S100A7A: variants seen among roughly 807,000 people sequenced by gnomAD.
S100A7A encodes the protein protein S100-A7A.
S100A7A carries 5 observed loss-of-function variants against 4.0 expected under a neutral mutation model. The observed-to-expected ratio is 1.26, with a 90% CI of 0.66 to 2.66. The LOEUF is 2.66. Among genes scored for constraint, S100A7A ranks in the 30% most tolerant of loss-of-function variants. S100A7A has a pLI of 0.01. For missense variants in S100A7A, 159 were observed against 125.1 expected (o/e 1.27, Z -1.29); for synonymous variants, 52 against 46.4 (o/e 1.12, Z -0.49).
chr1:153,418,776 C>CA (rs1179592410), intron 2 of S100A7A, among the ~76,000 whole-genome samples: 2 of 152,124 alleles, frequency 1.3e-5, no homozygotes, highest in East Asian at 3.8e-4. Flanking sequence ...AAGAAGAGAA[C>CA]AAAGCATGAG....
chr1:153,417,639 C>A (rs1269467213), intron 1 of S100A7A, among the ~76,000 whole-genome samples: 3 of 152,214 alleles, frequency 2.0e-5, no homozygotes, highest in Non-Finnish European at 4.4e-5. Flanking sequence ...CACCAGATCA[C>A]CAAGGCCATT....
chr1:153,417,522 T>A (rs1196035394), intron 1 of S100A7A, among the ~76,000 whole-genome samples: 3 of 152,162 alleles, frequency 2.0e-5, no homozygotes, highest in Admixed American at 1.3e-4. Flanking sequence ...ATGTCCACGC[T>A]CACATGTGCA....
At chr1:153,418,306 C>G (rs1389869568) in intron 2 of S100A7A, 83 bp downstream of exon 2, 10 of 1,548,976 alleles carry the variant, frequency 6.5e-6, no homozygotes, top group Non-Finnish European at 8.8e-7. Context: ...TTGGACAGGT[C>G]ACCCTCATCC....
At position 153,416,574 on chromosome 1, in the gene S100A7A, C is replaced by A. The variant is rs1376766548; in HGVS notation, c.-18+11C>A. On this transcript the variant is annotated intron_variant, in intron 1 of 2. Transcript: ENST00000368729. Reference sequence around the variant, plus strand: ...CACTTCCCAGTTCTGGTAAGTCTCACCTGCCTCTTTGCATTTTCTAGAAGT... The same window carrying A: ...CACTTCCCAGTTCTGGTAAGTCTCAACTGCCTCTTTGCATTTTCTAGAAGT... 4 of 481,258 alleles carry A rather than the reference C, an allele frequency of 8.3e-6. No homozygotes were observed. The highest frequency in any genetic ancestry group is 1.7e-5 in the Non-Finnish European group (4 of 240,574). The allele number at this position is 481,258 out of a possible 1,614,324, so 29.8% of individuals were successfully genotyped here. A position where few individuals can be genotyped will look rare whatever the true frequency, so the allele number is the denominator to read the frequency against.
At chr1:153,419,058 C>T in intron 2 of S100A7A, 87 bp from the exon 3 acceptor site, 1 of 1,412,326 alleles carries the variant, frequency 7.1e-7, no homozygotes, top group African/African-American at 1.4e-5. Context: ...AGGTACTTGT[C>T]TGTATCTCTG....
chr1:153,417,543 G>A (rs373787448), intron 1 of S100A7A, among the ~76,000 whole-genome samples: 35 of 152,320 alleles, frequency 2.3e-4, no homozygotes, highest in African/African-American at 6.7e-4. Context: ...CCTGGAGCCT[G>A]CACGCACTGT....
intron 1 of S100A7A, 46 bp from the exon 2 acceptor site, chr1:153,418,020 C>G (rs1662773895): frequency 6.2e-7 from 1 of 1,605,738 alleles, no homozygotes; most frequent in South Asian, 1.1e-5. Context: ...ACATAGAGAC[C>G]TTAATTCAAA....
chr1:153,422,680 T>C lies in S100A7A; in HGVS notation c.*3371T>C, dbSNP rs959591922. ...GGTGCTGAATTCACTGTGACGTCAC[T>C]CCTGTCTCTCTTTGCTTTCTTCTGA... On this transcript the variant is annotated 3_prime_UTR_variant, in exon 3 of 3. Coordinates refer to ENST00000368729, the MANE Select transcript of S100A7A (RefSeq NM_176823.4). 2 of 173,246 alleles carry C rather than the reference T, an allele frequency of 1.2e-5. No homozygotes were observed. The highest frequency in any genetic ancestry group is 2.3e-5 in the Non-Finnish European group (2 of 87,498). The allele number at this position is 173,246 out of a possible 1,614,324, so 10.7% of individuals were successfully genotyped here. A position where few individuals can be genotyped will look rare whatever the true frequency, so the allele number is the denominator to read the frequency against.
At chr1:153,418,301 C>A (rs1342453707) in intron 2 of S100A7A, 78 bp downstream of exon 2, 1 of 1,576,050 alleles carries the variant, frequency 6.3e-7, no homozygotes, top group East Asian at 2.2e-5. Context: ...TGGCCTTGGA[C>A]AGGTCACCCT....
chr1:153,419,872 T>A lies in S100A7A; in HGVS notation c.*563T>A, dbSNP rs1662851452. The A allele has an allele frequency of 6.5e-6, 1 of 153,820 alleles. No homozygotes were observed. Among genetic ancestry groups the A allele is most frequent in the African/African-American group, 2.4e-5 (1 of 41,486 alleles). 9.5% of individuals were successfully genotyped at this position (153,820 alleles called of 1,614,324 possible). On this transcript the variant is annotated 3_prime_UTR_variant, in exon 3 of 3. Coordinates refer to ENST00000368729, the MANE Select transcript of S100A7A (RefSeq NM_176823.4). The stretch of plus-strand genomic sequence containing the variant: ...GCAGTGCCCTGAGGATGGGCTTCCT[T>A]GTCCTGTGGCCTCTGCTCCAGGGGC...
chr1:153,422,604 C>A lies in S100A7A; in HGVS notation c.*3295C>A, dbSNP rs1662925541. On this transcript the variant is annotated 3_prime_UTR_variant, in exon 3 of 3. Transcript: ENST00000368729. ...AAACATTCCAATAACTTTTTTTTTT[C>A]AGGCGCAGTCTCACTCTGTCGCCCG... is the stretch of plus-strand genomic sequence containing the variant. The A allele has an allele frequency of 2.4e-6, 2 of 836,212 alleles. No homozygotes were observed. Among genetic ancestry groups the A allele is most frequent in the Non-Finnish European group, 2.9e-6 (2 of 695,840 alleles). 51.8% of individuals were successfully genotyped at this position (836,212 alleles called of 1,614,324 possible).
In S100A7A at chr1:153,420,704, C is replaced by T. The variant is rs984438952; in HGVS notation, c.*1395C>T. On this transcript the variant is annotated 3_prime_UTR_variant, in exon 3 of 3. Coordinates refer to ENST00000368729, the MANE Select transcript of S100A7A (RefSeq NM_176823.4). ...TTCACCTCTAAATCCCCATGTCTGACCATTAGTTTTCTTCTCTTTCCTTCT... is the reference window on the plus strand; with the variant it reads ...TTCACCTCTAAATCCCCATGTCTGATCATTAGTTTTCTTCTCTTTCCTTCT... 1 of 152,232 alleles carries T rather than the reference C, an allele frequency of 6.6e-6. No homozygotes were observed. Among genetic ancestry groups the T allele is most frequent in the African/African-American group, 2.4e-5 (1 of 41,414 alleles). The allele number at this position is 152,232 out of a possible 1,614,324, so 9.4% of individuals were successfully genotyped here.
rs2101626275 is a variant in S100A7A, at chr1:153,418,113, A to G, written c.31A>G (p.Ile11Val). Residue 11 changes from isoleucine to valine, a missense_variant, in exon 2 of 3, where the codon ATA becomes GTA. Physicochemically the swap from Ile to Val is conservative, Grantham distance 29 (BLOSUM62 3). Transcript: ENST00000368729. The stretch of plus-strand genomic sequence containing the variant: ...CAACACTCAAGCTGAGAGGTCCATA[A>G]TAGGCATGATCGACATGTTTCACAA... The part of the protein sequence containing the change: MSNTQAERSI[I>V]GMIDMFHKYT... 1.2e-6 allele frequency: 2 copies of G among 1,614,190 alleles called. No homozygotes were observed. The highest frequency in any genetic ancestry group is 4.5e-5 in the East Asian group (2 of 44,874).
At chr1:153,417,600 G>C (rs113019764) in intron 1 of S100A7A, among the ~76,000 whole-genome samples, 1 of 152,308 alleles carries the variant, frequency 6.6e-6, no homozygotes, top group African/African-American at 2.4e-5. Context: ...CACGGTGTCT[G>C]GTTCCTGAAG....
chr1:153,422,997 A>G lies in S100A7A; in HGVS notation c.*3688A>G, dbSNP rs1662935260. 1 of 152,188 alleles carries G rather than the reference A, an allele frequency of 6.6e-6. No individual in the cohort carries two copies. The highest frequency in any genetic ancestry group is 2.4e-5 in the African/African-American group (1 of 41,458). The allele number at this position is 152,188 out of a possible 1,614,324, so 9.4% of individuals were successfully genotyped here. On this transcript the variant is annotated 3_prime_UTR_variant, in exon 3 of 3. Transcript: ENST00000368729. ...TCTTGCCCAGGAAATGGGTTGATTCATCACAGATTTTATATATATACTTTT... is the reference window on the plus strand; with the variant it reads ...TCTTGCCCAGGAAATGGGTTGATTCGTCACAGATTTTATATATATACTTTT...
At chr1:153,417,442 T>C (rs1662753493) in intron 1 of S100A7A, among the ~76,000 whole-genome samples, 1 of 152,124 alleles carries the variant, frequency 6.6e-6, no homozygotes, top group African/African-American at 2.4e-5. Context: ...AATTCTTGTT[T>C]CTCATTCCCA....
Position 153,419,083 on chromosome 1 carries a change from C to T in S100A7A, c.142-62C>T, listed in dbSNP as rs529772673. Reference sequence around the variant, plus strand: ...CTGTATCTCTGCCTCCTCCTCTCCCCTCCCAGCCCAAAACTTGTTTGTGAT... The same window carrying T: ...CTGTATCTCTGCCTCCTCCTCTCCCTTCCCAGCCCAAAACTTGTTTGTGAT... On this transcript the variant is annotated intron_variant, in intron 2 of 2. Transcript: ENST00000368729. 1.6e-4 allele frequency: 245 copies of T among 1,573,732 alleles called. 3 individuals carry two copies. In the East Asian group the frequency reaches 5.0e-3, roughly 32 times the overall value.
rs1302072102 is a variant in S100A7A at position 153,419,195 on chromosome 1, G to A, written c.192G>A (p.Lys64=). The stretch of plus-strand genomic sequence containing the variant: ...CCACTGTCTTTGAGAAAAAGGACAA[G>A]AATGAGGATAAGAAGATTGATTTTT... ...YLATVFEKKD[K]NEDKKIDFSE... is the part of the protein sequence containing the mutation. The change falls in exon 3 of 3, where the codon AAG becomes AAA. Residue 64 remains lysine (K), a synonymous_variant. Transcript: ENST00000368729. 13 of 1,614,096 alleles carry A rather than the reference G, an allele frequency of 8.1e-6. No individual in the cohort carries two copies. Among genetic ancestry groups the A allele is most frequent in the South Asian group, 4.4e-5 (4 of 91,092 alleles).
At chr1:153,417,128 G>A (rs1311926020) in intron 1 of S100A7A, 1 of 152,376 alleles carries the variant, frequency 6.6e-6, no homozygotes, top group African/African-American at 2.4e-5. Flanking sequence ...GAGGTGTTGG[G>A]GGTTTATTGT....
Sources: gnomAD v4.1 joint callset for allele counts (sites outside exome capture counted in the v4.1 genomes callset) on GRCh38, gnomAD v4.1.1 for gene constraint, MANE v1.5 for transcripts, NCBI Gene and HGNC (gene_info 2026-07-23, HGNC 2026-07-21) for gene names.